MEGF11: variants seen among roughly 807,000 people sequenced by gnomAD.
MEGF11 encodes the protein multiple EGF like domains 11.
MEGF11 carries 126 observed loss-of-function variants against 146.6 expected under a neutral mutation model. The observed-to-expected ratio is 0.86, with a 90% CI of 0.74 to 1.00. MEGF11 has a LOEUF of 1.00. MEGF11 is among the 50% of genes least tolerant of loss of function. MEGF11 has a pLI of 0.00. For missense variants in MEGF11, 1,509 were observed against 1,521.2 expected (o/e 0.99, Z 0.13); for synonymous variants, 532 against 583.4 (o/e 0.91, Z 1.27).
chr15:65,945,538 A>T (rs2080157635), intron 10 of MEGF11, among the ~76,000 whole-genome samples: 1 of 152,132 alleles, frequency 6.6e-6, no homozygotes, highest in Non-Finnish European at 1.5e-5. Context: ...TAACCTTGCC[A>T]CGCCAGTTTA....
intron 1 of MEGF11, among the ~76,000 whole-genome samples, chr15:66,167,951 G>A (rs1597131995): frequency 6.6e-6 from 1 of 152,274 alleles, no homozygotes. Flanking sequence ...CTGCTGGGCA[G>A]GCAGCATTCT....
chr15:66,070,884 G>C (rs1406204754), intron 5 of MEGF11, among the ~76,000 whole-genome samples: 1 of 152,090 alleles, frequency 6.6e-6, no homozygotes, highest in African/African-American at 2.4e-5. Context: ...GTGTAGTCAA[G>C]CAGTTGTAGA....
At chr15:65,971,914 C>T (rs1418726924) in intron 7 of MEGF11, among the ~76,000 whole-genome samples, 2 of 152,146 alleles carry the variant, frequency 1.3e-5, no homozygotes, top group Non-Finnish European at 2.9e-5. Context: ...AAAAAAGCCT[C>T]TGTCATAATT....
At chr15:66,014,736 C>CTGAGAA (rs1350906365) in intron 5 of MEGF11, among the ~76,000 whole-genome samples, 1 of 152,200 alleles carries the variant, frequency 6.6e-6, no homozygotes, top group African/African-American at 2.4e-5. Context: ...AATTAAACTG[C>CTGAGAA]TGAGAACTCT....
At chr15:66,070,192 G>C (rs1418969311) in intron 5 of MEGF11, among the ~76,000 whole-genome samples, 2 of 152,220 alleles carry the variant, frequency 1.3e-5, no homozygotes, top group South Asian at 4.1e-4. Flanking sequence ...ATGAGGACTG[G>C]GGAAGCCCAG....
At chr15:66,158,191 T>C (rs1452938197) in intron 1 of MEGF11, among the ~76,000 whole-genome samples, 1 of 151,714 alleles carries the variant, frequency 6.6e-6, no homozygotes, top group East Asian at 1.9e-4. Context: ...TTTTCACCCC[T>C]CTAGCCAGAA....
chr15:66,227,676 A>T (rs1294159359), intron 1 of MEGF11, among the ~76,000 whole-genome samples: 1 of 152,202 alleles, frequency 6.6e-6, no homozygotes, highest in Non-Finnish European at 1.5e-5. Flanking sequence ...GGAGAGGAGA[A>T]GGAGAAGACA....
rs2079553798 is a variant in MEGF11, at chr15:65,930,902, G to T, written c.1329C>A (p.Gly443=). Residue 443 remains glycine, a synonymous_variant, in exon 11 of 26, where the codon GGC becomes GGA. Coordinates refer to ENST00000395614, the MANE Select transcript of MEGF11 (RefSeq NM_001385028.1). ...AGCTACAGATGGACGAGCAGTTGGG[G>T]CCATAGGTCCCTGCTGCACAGGAAA... ...CAVSCAAGTY[G]PNCSSICSCN... 6.2e-7 allele frequency: 1 copy of T among 1,611,292 alleles called. No individual in the cohort carries two copies. The highest frequency in any genetic ancestry group is 1.1e-5 in the South Asian group (1 of 90,584).
chr15:66,251,287 AC>A (rs1258458831), intron 1 of MEGF11, among the ~76,000 whole-genome samples: 2 of 152,048 alleles, frequency 1.3e-5, no homozygotes, highest in Admixed American at 1.3e-4. Context: ...ATGGAAACCT[AC>A]CCGAGGATCA....
chr15:66,074,579 T>C (rs2085500159), intron 5 of MEGF11, among the ~76,000 whole-genome samples: 1 of 152,220 alleles, frequency 6.6e-6, no homozygotes, highest in Non-Finnish European at 1.5e-5. Context: ...AAAAGTTAAA[T>C]AGAAGAGATT....
chr15:65,933,873 C>T (rs2079666047), intron 10 of MEGF11, among the ~76,000 whole-genome samples: 1 of 152,210 alleles, frequency 6.6e-6, no homozygotes, highest in Non-Finnish European at 1.5e-5. Context: ...GTCCTCTTCT[C>T]ATAGGATTAA....
intron 1 of MEGF11, among the ~76,000 whole-genome samples, chr15:66,162,950 T>C (rs2089995027): frequency 6.6e-6 from 1 of 152,226 alleles, no homozygotes; most frequent in Non-Finnish European, 1.5e-5. Context: ...AAAATCACCC[T>C]GGCAAATCTC....
chr15:65,972,338 C>T (rs1279440178), intron 7 of MEGF11, among the ~76,000 whole-genome samples: 2 of 152,162 alleles, frequency 1.3e-5, no homozygotes, highest in Non-Finnish European at 2.9e-5. Context: ...AAATATAAAA[C>T]AAGACCCACA....
At chr15:66,118,817 C>G (rs1307696314) in intron 4 of MEGF11, among the ~76,000 whole-genome samples, 1 of 152,242 alleles carries the variant, frequency 6.6e-6, no homozygotes, top group African/African-American at 2.4e-5. Context: ...GGAGCCACTT[C>G]TCCCCTATCC....
At chr15:65,948,282 C>G (rs946192308) in intron 10 of MEGF11, among the ~76,000 whole-genome samples, 3 of 151,920 alleles carry the variant, frequency 2.0e-5, no homozygotes, top group African/African-American at 7.3e-5. Context: ...GCTGTGTGAC[C>G]TGAGGGAAGT....
At chr15:65,922,254 A>C in intron 15 of MEGF11, 84 bp downstream of exon 15, 1 of 1,522,272 alleles carries the variant, frequency 6.6e-7, no homozygotes, top group Non-Finnish European at 8.9e-7. Flanking sequence ...GTATGATGAA[A>C]ATCCCCAAGC....
At chr15:66,160,076 C>T (rs533007156) in intron 1 of MEGF11, among the ~76,000 whole-genome samples, 1 of 152,158 alleles carries the variant, frequency 6.6e-6, no homozygotes, top group African/African-American at 2.4e-5. Context: ...CCCTTTCACC[C>T]CAGGAGCCAG....
intron 15 of MEGF11, among the ~76,000 whole-genome samples, chr15:65,920,897 T>A (rs969492646): frequency 1.3e-5 from 2 of 152,206 alleles, no homozygotes; most frequent in Non-Finnish European, 2.9e-5. Flanking sequence ...ATCTGAGAGT[T>A]ACTCCTCGGG....
chr15:66,215,445 A>G (rs2091560779), intron 1 of MEGF11, among the ~76,000 whole-genome samples: 3 of 152,202 alleles, frequency 2.0e-5, no homozygotes, highest in Admixed American at 2.0e-4. Flanking sequence ...CTGTCACAAT[A>G]ATACAGGAGC....
Sources: allele counts gnomAD v4.1 joint callset (sites outside exome capture counted in the v4.1 genomes callset), GRCh38; gene constraint gnomAD v4.1.1; transcripts MANE v1.5; gene names NCBI Gene and HGNC (gene_info 2026-07-23, HGNC 2026-07-21).